The following MYADM variants were observed in gnomAD, a reference collection of about 807,000 sequenced individuals.
MYADM encodes the protein myeloid associated differentiation marker.
For missense variants in MYADM, 416 were observed against 443.4 expected (o/e 0.94, Z 0.56); for synonymous variants, 224 against 210.2 (o/e 1.07, Z -0.57).
intron 2 of MYADM, among the ~76,000 whole-genome samples, chr19:53,872,356 C>G (rs1440133602): frequency 4.6e-5 from 7 of 152,010 alleles, no homozygotes; most frequent in Non-Finnish European, 4.4e-5. Flanking sequence ...CCACCACGCC[C>G]AGATAATTTT....
chr19:53,865,830 T>C (rs1033626553), upstream of MYADM: 3 of 152,048 alleles, frequency 2.0e-5, no homozygotes, highest in Non-Finnish European at 4.4e-5. Flanking sequence ...AGGGGAAAGA[T>C]TTGCTGCTAC....
upstream of MYADM, chr19:53,866,360 A>G (rs2068244986): frequency 6.6e-6 from 1 of 151,818 alleles, no homozygotes; most frequent in African/African-American, 2.4e-5. This position sits in a 1 kb window ranked among gnomAD's most constrained non-coding sequence, Gnocchi z 4.3. Context: ...AGCCGCCACC[A>G]GGCCCCGCCC....
chr19:53,873,414 G>A lies in MYADM; in HGVS notation c.-2-114G>A. The stretch of plus-strand genomic sequence containing the variant: ...AGAAAACCGAAAGCCCCACATCTTG[G>A]GAACTCCCTAATTAGAGCTCATATT... On this transcript the variant is annotated intron_variant, in intron 2 of 2. Transcript: ENST00000391770. The surrounding 1 kb of genome is among the most constrained non-coding windows in gnomAD (Gnocchi z 4.3). 2 of 1,153,372 alleles carry A rather than the reference G, an allele frequency of 1.7e-6. No homozygotes were observed. The allele number at this position is 1,153,372 out of a possible 1,614,324, so 71.4% of individuals were successfully genotyped here.
chr19:53,871,033 C>T (rs1191549361), intron 2 of MYADM, among the ~76,000 whole-genome samples: 1 of 152,106 alleles, frequency 6.6e-6, no homozygotes, highest in Non-Finnish European at 1.5e-5. Flanking sequence ...GAGTTTGAGA[C>T]CAGCCTGGCC....
At chr19:53,866,324 T>C (rs2068244278), upstream of MYADM, 1 of 152,106 alleles carries the variant, frequency 6.6e-6, no homozygotes. The surrounding 1 kb of genome is among the most constrained non-coding windows in gnomAD (Gnocchi z 4.3). Flanking sequence ...ACGCGCCCCG[T>C]TAGCTCAGCG....
rs2068326708 is a variant in MYADM at position 53,869,799 on chromosome 19, ACCAGAT to A, written c.-40_-35del. 6.5e-6 allele frequency: 1 copy of A among 153,590 alleles called. No homozygotes were observed. Among genetic ancestry groups the A allele is most frequent in the Non-Finnish European group, 1.5e-5 (1 of 68,420 alleles). 9.5% of individuals were successfully genotyped at this position (153,590 alleles called of 1,614,324 possible). On this transcript the variant is annotated 5_prime_UTR_variant, in exon 2 of 3. Coordinates refer to ENST00000391770, the MANE Select transcript of MYADM (RefSeq NM_138373.5). ...AAGTGTGGCTTAATCCGTCTCCACC[ACCAGAT>A]CTTTCTCCGTGGATTCCTCTGCTAA...
chr19:53,868,273 G>A lies in MYADM; in HGVS notation c.-88+330G>A, dbSNP rs1226817924. 2.6e-5 allele frequency among the ~76,000 whole-genome samples: 4 copies of A among 151,780 alleles called. No homozygotes were observed. ...GAGGGCCTGGACTCCTGGGTCTGAG[G>A]GAGGAGGAGCTGGGCCTGGACTCCT... On this transcript the variant is annotated intron_variant, in intron 1 of 2. Coordinates refer to ENST00000391770, the MANE Select transcript of MYADM (RefSeq NM_138373.5). The surrounding 1 kb of genome is among the most constrained non-coding windows in gnomAD (Gnocchi z 6.3).
At position 53,874,756 on chromosome 19, in the gene MYADM, TTC is replaced by T. The variant is rs111975490; in HGVS notation, c.*262_*263del. 0.044 allele frequency: 15,895 copies of T among 359,348 alleles called. 1,787 individuals carry two copies. The highest frequency in any genetic ancestry group is 0.27 in the African/African-American group (11,896 of 44,414). 22.3% of individuals were successfully genotyped at this position (359,348 alleles called of 1,614,324 possible). Reference sequence around the variant, plus strand: ...CATCCTGTTTTCACCCCTGAGCTGTTTCTCTTTTTCTTTTCTTTTTTTTTTTT... The same window carrying T: ...CATCCTGTTTTCACCCCTGAGCTGTTTCTTTTTCTTTTCTTTTTTTTTTTT... On this transcript the variant is annotated 3_prime_UTR_variant, in exon 3 of 3. Coordinates refer to ENST00000391770, the MANE Select transcript of MYADM (RefSeq NM_138373.5).
At chr19:53,867,332 C>A (rs532386018), upstream of MYADM, among the ~76,000 whole-genome samples, 151 of 152,234 alleles carry the variant, frequency 9.9e-4, 1 homozygote, top group Admixed American at 3.0e-3. Context: ...TCCTAGCCCC[C>A]CCATTGAACT....
At chr19:53,867,497 G>C (rs921876411), upstream of MYADM, among the ~76,000 whole-genome samples, 8 of 151,944 alleles carry the variant, frequency 5.3e-5, no homozygotes, top group African/African-American at 1.7e-4. Context: ...GAGCTGGGGG[G>C]CTCTGCACTA....
At chr19:53,870,974 TA>T (rs2068372612) in intron 2 of MYADM, among the ~76,000 whole-genome samples, 1 of 152,216 alleles carries the variant, frequency 6.6e-6, no homozygotes, top group Admixed American at 6.5e-5. Context: ...CTCATGCCTG[TA>T]ATCCCAGCAC....
rs923401316 is a variant in MYADM, at chr19:53,874,208, G to A, written c.679G>A (p.Glu227Lys). ...AAIAILLNLG[E>K]CTNVLPIPFP... ...CATCGCCATCCTGCTGAACCTGGGGGAGTGCACCAACGTGCTACCCATCCC... is the reference window on the plus strand; with the variant it reads ...CATCGCCATCCTGCTGAACCTGGGGAAGTGCACCAACGTGCTACCCATCCC... Residue 227 changes from glutamate (E) to lysine (K), a missense_variant, in exon 3 of 3, where the codon GAG (glutamate) becomes AAG (lysine). Glu to Lys is a moderately conservative substitution (Grantham distance 56, BLOSUM62 1). Transcript: ENST00000391770. 2 of 1,613,614 alleles carry A rather than the reference G, an allele frequency of 1.2e-6. No homozygotes were observed. Among genetic ancestry groups the A allele is most frequent in the East Asian group, 2.2e-5 (1 of 44,882 alleles).
chr19:53,867,862 C>A (rs1043427566), upstream of MYADM: 1 of 152,462 alleles, frequency 6.6e-6, no homozygotes, highest in African/African-American at 2.4e-5. Context: ...CTCCCCAGCC[C>A]TCCAACCCCA....
At position 53,874,589 on chromosome 19, in the gene MYADM, CCT is replaced by C; in HGVS notation, c.*94_*95del. ...TGGAGTACTTCTTTCCTCCGCCTTT[CCT>C]CTGTTTTCCTCTTCCTGTCTCCCCT... On this transcript the variant is annotated 3_prime_UTR_variant, in exon 3 of 3. Transcript: ENST00000391770. 2.1e-6 allele frequency: 3 copies of C among 1,410,934 alleles called. No individual in the cohort carries two copies. The highest frequency in any genetic ancestry group is 2.8e-6 in the Non-Finnish European group (3 of 1,053,818). The allele number at this position is 1,410,934 out of a possible 1,614,324, so 87.4% of individuals were successfully genotyped here.
intron 2 of MYADM, among the ~76,000 whole-genome samples, chr19:53,871,721 A>G (rs937993348): frequency 2.0e-5 from 3 of 151,994 alleles, no homozygotes; most frequent in Non-Finnish European, 4.4e-5. Flanking sequence ...GTTCGATGGA[A>G]GAAGGAAGTT....
chr19:53,872,512 A>C (rs1379726007), intron 2 of MYADM, among the ~76,000 whole-genome samples: 2 of 151,170 alleles, frequency 1.3e-5, no homozygotes, highest in Non-Finnish European at 2.9e-5. Flanking sequence ...AATTAAAAAA[A>C]ATTTTTTTTT....
At chr19:53,867,562 G>A (rs2068263593), upstream of MYADM, among the ~76,000 whole-genome samples, 1 of 152,106 alleles carries the variant, frequency 6.6e-6, no homozygotes. Flanking sequence ...TGGCCTACCC[G>A]GGAGACTCCT....
intron 2 of MYADM, among the ~76,000 whole-genome samples, chr19:53,871,265 TAG>T (rs1285917443): frequency 1.3e-5 from 2 of 152,046 alleles, no homozygotes; most frequent in African/African-American, 4.8e-5. Flanking sequence ...TTGTGAGGCC[TAG>T]AGAGAGTTCA....
Position 53,868,262 on chromosome 19 carries a change from C to T in MYADM, c.-88+319C>T, listed in dbSNP as rs912494861. 4.0e-5 allele frequency among the ~76,000 whole-genome samples: 6 copies of T among 149,408 alleles called. No homozygotes were observed. Among genetic ancestry groups the T allele is most frequent in the Non-Finnish European group, 8.9e-5 (6 of 67,284 alleles). Reference sequence around the variant, plus strand: ...GAGGAGGGGCTGAGGGCCTGGACTCCTGGGTCTGAGGGAGGAGGAGCTGGG... The same window carrying T: ...GAGGAGGGGCTGAGGGCCTGGACTCTTGGGTCTGAGGGAGGAGGAGCTGGG... On this transcript the variant is annotated intron_variant, in intron 1 of 2. Transcript: ENST00000391770. This position sits in a 1 kb window ranked among gnomAD's most constrained non-coding sequence, Gnocchi z 6.3.
Sources: gnomAD v4.1 joint callset for allele counts (sites outside exome capture counted in the v4.1 genomes callset) on GRCh38, gnomAD v4.1.1 for gene constraint, Gnocchi (gnomAD v3.1) non-coding constraint, MANE v1.5 for transcripts, NCBI Gene and HGNC (gene_info 2026-07-23, HGNC 2026-07-21) for gene names.